SPOCK3: variants seen among roughly 807,000 people sequenced by gnomAD.
The protein encoded by SPOCK3 is SPARC (osteonectin), cwcv and kazal like domains proteoglycan 3.
SPOCK3 carries 30 observed loss-of-function variants against 56.6 expected under a neutral mutation model. That is an observed-to-expected ratio of 0.53 (90% CI 0.40 to 0.72). SPOCK3 has a LOEUF of 0.72. Among genes scored for constraint, SPOCK3 ranks in the 30% least tolerant of loss-of-function variants. SPOCK3 has a pLI of 0.00. For synonymous variants in SPOCK3, 196 were observed against 183.3 expected, an observed-to-expected ratio of 1.07 and a Z score of -0.56; for missense variants, 527 against 530.0, an observed-to-expected ratio of 0.99 and a Z score of 0.06.
intron 6 of SPOCK3, among the ~76,000 whole-genome samples, chr4:166,853,161 T>C (rs541124159): frequency 5.9e-5 from 9 of 152,340 alleles, no homozygotes; most frequent in Admixed American, 1.3e-4. Flanking sequence ...CATTTAGATA[T>C]TGAAATAGGT....
At chr4:167,070,085 G>A (rs1756531630) in intron 2 of SPOCK3, among the ~76,000 whole-genome samples, 1 of 151,942 alleles carries the variant, frequency 6.6e-6, no homozygotes, top group Non-Finnish European at 1.5e-5. Context: ...CCACAAGCCA[G>A]TAAGTGGAAA....
intron 4 of SPOCK3, among the ~76,000 whole-genome samples, chr4:166,937,844 A>T (rs1343438855): frequency 6.7e-6 from 1 of 149,666 alleles, no homozygotes; most frequent in Non-Finnish European, 1.5e-5. Flanking sequence ...GCTCACTGAA[A>T]GCTCCGCCTC....
At chr4:167,065,037 CAAAAAAAAAAA>C (rs56284627) in intron 2 of SPOCK3, among the ~76,000 whole-genome samples, 2 of 64,054 alleles carry the variant, frequency 3.1e-5, no homozygotes, top group South Asian at 1.1e-3. Context: ...ATGCCCTCTC[CAAAAAAAAAAA>C]AAAAAAAAAA....
intron 2 of SPOCK3, among the ~76,000 whole-genome samples, chr4:167,125,912 G>T (rs1479752257): frequency 6.6e-6 from 1 of 152,050 alleles, no homozygotes; most frequent in African/African-American, 2.4e-5. Context: ...CCGATTTACA[G>T]TTGCAAGGAA....
chr4:167,202,616 A>G (rs1307659450), intron 2 of SPOCK3, among the ~76,000 whole-genome samples: 1 of 151,226 alleles, frequency 6.6e-6, no homozygotes, highest in East Asian at 1.9e-4. Flanking sequence ...CTGATTTTTT[A>G]ATACTTCTAT....
intron 2 of SPOCK3, among the ~76,000 whole-genome samples, chr4:167,224,492 C>G (rs1736390995): frequency 6.6e-6 from 1 of 152,050 alleles, no homozygotes; most frequent in Non-Finnish European, 1.5e-5. Flanking sequence ...GAAAAAGAAG[C>G]AATTTTTGTA....
In SPOCK3 at chr4:167,001,699, T is replaced by C. The variant is rs993855081; in HGVS notation, c.236-1236A>G. 3.3e-5 allele frequency among the ~76,000 whole-genome samples: 5 copies of C among 152,182 alleles called. No individual in the cohort carries two copies. In the South Asian group the frequency reaches 6.2e-4, roughly 19 times the overall value. ...AAAGGCACTGAGTGTCCAGATTTGGTACATGCCAAAAGTGAGAGAAAGAAA... is the reference window on the plus strand; with the variant it reads ...AAAGGCACTGAGTGTCCAGATTTGGCACATGCCAAAAGTGAGAGAAAGAAA... On this transcript the variant is annotated intron_variant, in intron 3 of 10. Transcript: ENST00000357545.
At chr4:167,182,758 G>A (rs1731599507) in intron 2 of SPOCK3, among the ~76,000 whole-genome samples, 1 of 152,102 alleles carries the variant, frequency 6.6e-6, no homozygotes, top group Admixed American at 6.6e-5. Flanking sequence ...AGCTGGTCTT[G>A]AATTCCTCAC....
chr4:167,118,859 G>A (rs1426344909), intron 2 of SPOCK3, among the ~76,000 whole-genome samples: 5 of 152,020 alleles, frequency 3.3e-5, no homozygotes, highest in Non-Finnish European at 7.4e-5. Flanking sequence ...CTATGAGAAG[G>A]GATTTCATGT....
At chr4:167,210,396 C>A (rs1389143416) in intron 2 of SPOCK3, among the ~76,000 whole-genome samples, 1 of 152,138 alleles carries the variant, frequency 6.6e-6, no homozygotes, top group Non-Finnish European at 1.5e-5. Flanking sequence ...TGCATTGAAT[C>A]ATTATTCAAC....
At chr4:167,202,050 A>T (rs1028517789) in intron 2 of SPOCK3, among the ~76,000 whole-genome samples, 1 of 151,974 alleles carries the variant, frequency 6.6e-6, no homozygotes, top group African/African-American at 2.4e-5. Flanking sequence ...AGGCTTCAAA[A>T]ATTAAGTGTA....
intron 4 of SPOCK3, 81 bp from the exon 5 acceptor site, chr4:166,912,824 T>A: frequency 8.4e-7 from 1 of 1,195,372 alleles, no homozygotes; most frequent in Non-Finnish European, 1.1e-6. Context: ...TCTCCTAAAC[T>A]GCCATTCCAA....
intron 3 of SPOCK3, among the ~76,000 whole-genome samples, chr4:167,060,622 TA>T (rs1409179225): frequency 3.3e-5 from 5 of 152,156 alleles, no homozygotes; most frequent in Non-Finnish European, 7.4e-5. Context: ...TCAGATAGTC[TA>T]AAAAATACTG....
intron 2 of SPOCK3, among the ~76,000 whole-genome samples, chr4:167,137,495 T>C (rs1296350806): frequency 6.6e-6 from 1 of 152,016 alleles, no homozygotes; most frequent in African/African-American, 2.4e-5. Context: ...ATTACTTTTA[T>C]TGATTAATTC....
chr4:166,869,936 T>C (rs1469206401), intron 6 of SPOCK3, among the ~76,000 whole-genome samples: 2 of 152,046 alleles, frequency 1.3e-5, no homozygotes, highest in Non-Finnish European at 2.9e-5. Flanking sequence ...TGATCCAGCT[T>C]GAAACTGAGA....
At chr4:167,073,110 TA>T (rs1247329523) in intron 2 of SPOCK3, among the ~76,000 whole-genome samples, 1 of 151,754 alleles carries the variant, frequency 6.6e-6, no homozygotes, top group Admixed American at 6.6e-5. Flanking sequence ...ATTAATAATG[TA>T]AAAATATTTA....
intron 2 of SPOCK3, among the ~76,000 whole-genome samples, chr4:167,222,167 A>G (rs1310049828): frequency 6.6e-6 from 1 of 152,108 alleles, no homozygotes; most frequent in African/African-American, 2.4e-5. Flanking sequence ...CATGGATGAA[A>G]CTTGAGGATG....
intron 4 of SPOCK3, among the ~76,000 whole-genome samples, chr4:166,977,921 G>A (rs1746137200): frequency 6.6e-6 from 1 of 152,110 alleles, no homozygotes; most frequent in Admixed American, 6.5e-5. Context: ...AAAGATTTTA[G>A]ATTCCTATTA....
At chr4:166,783,041 T>C (rs1740343166) in intron 7 of SPOCK3, among the ~76,000 whole-genome samples, 1 of 152,162 alleles carries the variant, frequency 6.6e-6, no homozygotes, top group South Asian at 2.1e-4. Flanking sequence ...TCTGTTTCTG[T>C]AAGTACATAT....
Sources: gnomAD v4.1 joint callset for allele counts (sites outside exome capture counted in the v4.1 genomes callset) on GRCh38, gnomAD v4.1.1 for gene constraint, MANE v1.5 for transcripts, NCBI Gene and HGNC (gene_info 2026-07-23, HGNC 2026-07-21) for gene names.